SYNE1: variants seen among roughly 807,000 people sequenced by gnomAD.
SYNE1 encodes the protein spectrin repeat containing nuclear envelope protein 1, also known as nesprin-1.
SYNE1 carries 616 observed loss-of-function variants against 1,111.0 expected under a neutral mutation model. The observed-to-expected ratio is 0.55, with a 90% confidence interval of 0.52 to 0.59. The LOEUF (loss-of-function observed/expected upper bound fraction) is 0.59. Among genes scored for constraint, SYNE1 ranks in the 20% least tolerant of loss-of-function variants. SYNE1 has a pLI of 0.00. For synonymous variants in SYNE1, 3,855 were observed against 3,825.8 expected (o/e 1.01, Z -0.28); for missense variants, 10,006 against 10,417.0 (o/e 0.96, Z 1.72).
At chr6:152,230,723 GA>G (rs767010600) in intron 114 of SYNE1, 21 bp from the exon 115 acceptor site, 1 of 1,612,516 alleles carries the variant, frequency 6.2e-7, no homozygotes, top group African/African-American at 1.3e-5. Context: ...ACAATAAAAT[GA>G]AATTTGCAAC....
chr6:152,450,931 C>T (rs913577466), intron 26 of SYNE1, 98 bp from the exon 27 acceptor site: 13 of 1,593,744 alleles, frequency 8.2e-6, no homozygotes, highest in African/African-American at 1.3e-5. Flanking sequence ...ACGCAGACTA[C>T]CAAGGTAGAG....
chr6:152,578,266 T>C (rs555100211), intron 3 of SYNE1, among the ~76,000 whole-genome samples: 60 of 152,338 alleles, frequency 3.9e-4, no homozygotes, highest in African/African-American at 1.4e-3. Context: ...TGCCCCAATG[T>C]TAACATCTTT....
intron 131 of SYNE1, among the ~76,000 whole-genome samples, chr6:152,162,915 TA>T (rs994145194): frequency 5.9e-5 from 9 of 152,254 alleles, no homozygotes; most frequent in African/African-American, 2.2e-4. Flanking sequence ...ATTTTAATAT[TA>T]AAAAAACCTC....
chr6:152,243,832 T>G (rs2086396356), intron 106 of SYNE1, among the ~76,000 whole-genome samples: 1 of 152,248 alleles, frequency 6.6e-6, no homozygotes, highest in Admixed American at 6.5e-5. Flanking sequence ...AATTTTTTCT[T>G]GATCGAACAT....
intron 144 of SYNE1, among the ~76,000 whole-genome samples, chr6:152,131,160 GT>G (rs2055501865): frequency 6.6e-6 from 1 of 151,820 alleles, no homozygotes; most frequent in South Asian, 2.1e-4. Context: ...GTAAAACAGT[GT>G]TAAAATTCTT....
Position 152,369,711 on chromosome 6 carries a change from A to G in SYNE1, c.9508-97T>C, listed in dbSNP as rs1011565986. On this transcript the variant is annotated intron_variant, in intron 59 of 145. Transcript: ENST00000367255. ...TTCAAAGTCCACCCAGGCTGGGCAC[A>G]GTGGCTCACGCCTGTAATCCCAGCA... The G allele has an allele frequency of 5.5e-6, 8 of 1,449,474 alleles. No homozygotes were observed. The African/African-American group carries it at 1.1e-4, about 20-fold the overall frequency. The allele number at this position is 1,449,474 out of a possible 1,614,324, so 89.8% of individuals were successfully genotyped here.
At chr6:152,589,560 CT>C (rs1338711550) in intron 3 of SYNE1, among the ~76,000 whole-genome samples, 2 of 152,014 alleles carry the variant, frequency 1.3e-5, no homozygotes, top group Admixed American at 6.5e-5. Flanking sequence ...CATATGGGAA[CT>C]TTTTTCTAAA....
chr6:152,502,334 A>G (rs1176364921), intron 10 of SYNE1, among the ~76,000 whole-genome samples: 1 of 152,212 alleles, frequency 6.6e-6, no homozygotes, highest in Admixed American at 6.5e-5. Flanking sequence ...AAATACAATT[A>G]CTTCAATTCT....
intron 3 of SYNE1, among the ~76,000 whole-genome samples, chr6:152,586,079 C>T (rs1315637360): frequency 6.6e-6 from 1 of 152,018 alleles, no homozygotes; most frequent in Non-Finnish European, 1.5e-5. Context: ...ACATATTCCA[C>T]CCTGAGTATA....
intron 58 of SYNE1, 195 bp downstream of exon 58, chr6:152,376,186 C>T (rs985794283): frequency 2.6e-5 from 15 of 587,346 alleles, no homozygotes; most frequent in African/African-American, 2.4e-4. Flanking sequence ...CTGATGCTAC[C>T]GCTGATCTGA....
At chr6:152,266,392 C>G (rs2092700122) in intron 100 of SYNE1, among the ~76,000 whole-genome samples, 1 of 152,058 alleles carries the variant, frequency 6.6e-6, no homozygotes, top group African/African-American at 2.4e-5. Context: ...ATTCAGAAAA[C>G]TATGCAAGAT....
intron 87 of SYNE1, chr6:152,315,198 T>TA (rs34853988): frequency 0.4 from 16,627 of 41,616 alleles, 2,030 homozygotes; most frequent in East Asian, 0.71. Flanking sequence ...GAGTAGTAAC[T>TA]TTTTTTTTTT....
At chr6:152,396,629 G>A in intron 50 of SYNE1, 146 bp downstream of exon 50, 1 of 829,918 alleles carries the variant, frequency 1.2e-6, no homozygotes, top group Admixed American at 2.2e-5. Context: ...TATTGCCCTA[G>A]TATCACCTGT....
rs2096198583 is a variant in SYNE1 at position 152,329,719 on chromosome 6, A to G, written c.14955+11T>C. 3.7e-6 allele frequency: 6 copies of G among 1,614,072 alleles called. No individual in the cohort carries two copies. Among genetic ancestry groups the G allele is most frequent in the African/African-American group, 1.3e-5 (1 of 74,936 alleles). On this transcript the variant is annotated intron_variant, in intron 78 of 145. Transcript: ENST00000367255. ...GTGGAAAAAAGAGAAGTGAAGTCCTATTATACCCACCTGTCTGGTGCGTAA... is the reference window on the plus strand; with the variant it reads ...GTGGAAAAAAGAGAAGTGAAGTCCTGTTATACCCACCTGTCTGGTGCGTAA...
chr6:152,225,255 T>C (rs56086011), intron 116 of SYNE1, among the ~76,000 whole-genome samples: 70,338 of 150,986 alleles, frequency 0.47, 16,975 homozygotes, highest in East Asian at 0.74. Context: ...TATAACAATA[T>C]CCATATCTAT....
In SYNE1 at chr6:152,471,690, G is replaced by C. The variant is rs766287713; in HGVS notation, c.1539C>G (p.Leu513=). The C allele has an allele frequency of 1.4e-5, 22 of 1,613,904 alleles. No homozygotes were observed. In the South Asian group the frequency reaches 2.3e-4, roughly 17 times the overall value. ...TTGACTCTGCAAGAACCAGCAGTGA[G>C]AGCAGACGGTACTTTAATTCTAAAA... ...MEFLELKYRL[L]SLLVLAESKL... The change falls in exon 16 of 146, where the codon CTC becomes CTG. Residue 513 remains leucine, a synonymous_variant. Transcript: ENST00000367255.
chr6:152,506,610 C>T (rs939058217), intron 8 of SYNE1, among the ~76,000 whole-genome samples: 1 of 151,868 alleles, frequency 6.6e-6, no homozygotes, highest in African/African-American at 2.4e-5. Flanking sequence ...GGCACAGTCT[C>T]GGCTCACTGC....
chr6:152,203,467 C>T (rs2075909215), intron 126 of SYNE1, among the ~76,000 whole-genome samples: 1 of 152,208 alleles, frequency 6.6e-6, no homozygotes, highest in Non-Finnish European at 1.5e-5. Flanking sequence ...GTGGCCACTC[C>T]ATACACCGTG....
At chr6:152,547,853 T>A (rs529925159) in intron 3 of SYNE1, among the ~76,000 whole-genome samples, 5 of 152,300 alleles carry the variant, frequency 3.3e-5, no homozygotes, top group African/African-American at 9.6e-5. Context: ...ATTTCCTTAT[T>A]TTTTTATGGA....
Sources: gnomAD v4.1 joint callset for allele counts (sites outside exome capture counted in the v4.1 genomes callset) on GRCh38, gnomAD v4.1.1 for gene constraint, MANE v1.5 for transcripts, NCBI Gene and HGNC (gene_info 2026-07-23, HGNC 2026-07-21) for gene names.